Variants in ERC2 observed in about 807,000 individuals in gnomAD.
ERC2 encodes ERC protein 2.
Under a neutral mutation model 114.8 loss-of-function variants are expected in ERC2, and 42 were observed. The observed-to-expected ratio is 0.37, with a 90% CI of 0.29 to 0.47. ERC2 has a LOEUF of 0.47. Ranked by LOEUF, ERC2 falls within the 20% of genes least tolerant of loss-of-function variation. The pLI, the probability that ERC2 is intolerant of heterozygous loss-of-function variation, is 0.99. For missense variants in ERC2, 939 were observed against 1,150.7 expected, an observed-to-expected ratio of 0.82 and a Z score of 2.66; for synonymous variants, 454 against 425.5, an observed-to-expected ratio of 1.07 and a Z score of -0.82.
intron 2 of ERC2, among the ~76,000 whole-genome samples, chr3:56,371,316 G>A (rs2059355152): frequency 6.6e-6 from 1 of 152,150 alleles, no homozygotes; most frequent in African/African-American, 2.4e-5. Flanking sequence ...GCCTAGAAAA[G>A]GAAGCCAAAT....
intron 15 of ERC2, among the ~76,000 whole-genome samples, chr3:55,713,242 C>A: frequency 6.6e-6 from 1 of 151,762 alleles, no homozygotes; most frequent in East Asian, 1.9e-4. Flanking sequence ...TGGAGTTTCA[C>A]TCTTGTTGCC....
At chr3:56,195,147 T>C (rs551392670) in intron 3 of ERC2, among the ~76,000 whole-genome samples, 4 of 152,178 alleles carry the variant, frequency 2.6e-5, no homozygotes, top group African/African-American at 9.6e-5. Context: ...ATTAAGTAAA[T>C]AAGGGTTCCT....
At chr3:55,920,809 G>A (rs2065382167) in intron 13 of ERC2, among the ~76,000 whole-genome samples, 1 of 152,104 alleles carries the variant, frequency 6.6e-6, no homozygotes, top group Non-Finnish European at 1.5e-5. Context: ...TTCATTGGAT[G>A]CTCAGTATTT....
intron 2 of ERC2, among the ~76,000 whole-genome samples, chr3:56,374,365 G>A (rs113474819): frequency 2.0e-5 from 3 of 152,126 alleles, no homozygotes; most frequent in Non-Finnish European, 4.4e-5. Context: ...CCAAAGTGCT[G>A]TAATTACAGG....
intron 7 of ERC2, among the ~76,000 whole-genome samples, chr3:56,042,634 A>C (rs1331710323): frequency 3.3e-5 from 5 of 152,176 alleles, no homozygotes; most frequent in South Asian, 4.2e-4. Flanking sequence ...CGCTCCCCAA[A>C]GTGCATAATC....
intron 17 of ERC2, among the ~76,000 whole-genome samples, chr3:55,676,441 C>CTTCTTATTA (rs142602986): frequency 7.0e-6 from 1 of 142,200 alleles, no homozygotes; most frequent in Non-Finnish European, 1.5e-5. Flanking sequence ...TACTGAGCTG[C>CTTCTTATTA]TTATTATTAT....
chr3:55,514,030 G>A (rs775585673), intron 17 of ERC2, among the ~76,000 whole-genome samples: 12 of 152,170 alleles, frequency 7.9e-5, no homozygotes, highest in African/African-American at 1.2e-4. Context: ...GAGTGAGAAC[G>A]TTTCAGACCA....
chr3:56,019,247 A>G (rs932819075), intron 7 of ERC2, among the ~76,000 whole-genome samples: 13 of 152,286 alleles, frequency 8.5e-5, no homozygotes, highest in African/African-American at 3.1e-4. Context: ...GGAGCAGAGT[A>G]TCTCCCTCCA....
chr3:55,641,792 G>T (rs2148656697), intron 17 of ERC2, among the ~76,000 whole-genome samples: 1 of 152,042 alleles, frequency 6.6e-6, no homozygotes, highest in African/African-American at 2.4e-5. Context: ...TCAACTTTAG[G>T]TGCCTTAGTG....
chr3:55,859,093 C>A (rs1339774635), intron 14 of ERC2, among the ~76,000 whole-genome samples: 1 of 152,140 alleles, frequency 6.6e-6, no homozygotes, highest in Non-Finnish European at 1.5e-5. Context: ...CAAATACTCA[C>A]CCCTCTCCAA....
intron 3 of ERC2, among the ~76,000 whole-genome samples, chr3:56,251,510 A>G (rs1381322222): frequency 1.3e-5 from 2 of 152,226 alleles, no homozygotes; most frequent in East Asian, 3.8e-4. Flanking sequence ...ACCTGGCAAG[A>G]AGAAAAAAAT....
At chr3:56,053,263 CTG>C (rs1263513262) in intron 7 of ERC2, among the ~76,000 whole-genome samples, 5 of 152,226 alleles carry the variant, frequency 3.3e-5, no homozygotes, top group Admixed American at 6.5e-5. Context: ...AGTGGGTAAA[CTG>C]AACAACCAGA....
chr3:56,036,385 GA>G (rs200845935), intron 7 of ERC2, among the ~76,000 whole-genome samples: 17 of 151,638 alleles, frequency 1.1e-4, no homozygotes, highest in Admixed American at 2.0e-4. Context: ...AATTAGGCAA[GA>G]AAAAAAACAA....
chr3:55,985,888 A>G lies in ERC2; in HGVS notation c.2267+89T>C, dbSNP rs1334815319. ...GAAATGCAGTGGCCCGAGGAAAACC[A>G]TTTCAGAAATGTGTTTGTTAAACAA... On this transcript the variant is annotated intron_variant, in intron 12 of 17. Transcript: ENST00000288221. The G allele has an allele frequency of 1.9e-5, 23 of 1,220,482 alleles. 1 individual carries two copies. In the South Asian group the frequency reaches 3.0e-4, roughly 16 times the overall value. The allele number at this position is 1,220,482 out of a possible 1,614,324, so 75.6% of individuals were successfully genotyped here.
chr3:55,566,972 A>C (rs940507238), intron 17 of ERC2, among the ~76,000 whole-genome samples: 7 of 152,214 alleles, frequency 4.6e-5, no homozygotes, highest in African/African-American at 1.7e-4. Flanking sequence ...AAGTGTTGGG[A>C]TTACAGGCAT....
chr3:56,111,821 T>C (rs566181152), intron 6 of ERC2, among the ~76,000 whole-genome samples: 1 of 152,246 alleles, frequency 6.6e-6, no homozygotes, highest in Non-Finnish European at 1.5e-5. Context: ...TTAGCAGCAG[T>C]TGCTTGGCTC....
chr3:55,693,731 G>C (rs1433313910), intron 16 of ERC2, among the ~76,000 whole-genome samples: 2 of 151,166 alleles, frequency 1.3e-5, no homozygotes, highest in Non-Finnish European at 3.0e-5. Flanking sequence ...TTTTTGAGAC[G>C]AAGTTTCACT....
intron 17 of ERC2, among the ~76,000 whole-genome samples, chr3:55,530,239 T>C (rs1322716909): frequency 6.6e-6 from 1 of 152,160 alleles, no homozygotes; most frequent in Admixed American, 6.5e-5. Context: ...GGACCAGGGA[T>C]TGGTAAGATA....
In ERC2 at chr3:55,654,711, C is replaced by T. The variant is rs746192034; in HGVS notation, c.*39+29083G>A. Among the ~76,000 whole-genome samples, 24 of 152,194 alleles carry T rather than the reference C, an allele frequency of 1.6e-4. 1 individual carries two copies. The highest frequency in any genetic ancestry group is 3.9e-4 in the East Asian group (2 of 5,190). ...TCCAGCCTCAACTCCTGCTTTGGCA[C>T]GAGAAGGAGACCGGAGGCATGTGTT... On this transcript the variant is annotated intron_variant, in intron 17 of 17. Transcript: ENST00000288221.
Sources: allele counts gnomAD v4.1 joint callset (sites outside exome capture counted in the v4.1 genomes callset), GRCh38; gene constraint gnomAD v4.1.1; transcripts MANE v1.5; gene names NCBI Gene and HGNC (gene_info 2026-07-23, HGNC 2026-07-21).